IL1RAPL1: variants seen among roughly 807,000 people sequenced by gnomAD.
The protein encoded by IL1RAPL1 is interleukin 1 receptor accessory protein like 1.
Under a neutral mutation model 48.4 loss-of-function variants are expected in IL1RAPL1, and 3 were observed. That is an observed-to-expected ratio of 0.06 (90% confidence interval 0.03 to 0.16). The LOEUF is 0.16. IL1RAPL1 is among the 10% of genes least tolerant of loss of function. The pLI, the probability that IL1RAPL1 is intolerant of heterozygous loss-of-function variation, is 1.00. For synonymous variants in IL1RAPL1, 185 were observed against 187.7 expected, an observed-to-expected ratio of 0.99 and a Z score of 0.12; for missense variants, 349 against 530.6, an observed-to-expected ratio of 0.66 and a Z score of 3.36.
chrX:28,708,952 C>T (rs777096631), intron 1 of IL1RAPL1, among the ~76,000 whole-genome samples: 3 of 111,047 alleles, frequency 2.7e-5, no homozygotes, highest in Non-Finnish European at 5.7e-5. Flanking sequence ...CACTAAATAC[C>T]CTAACTTAAT....
At chrX:29,761,111 A>T (rs1254783335) in intron 6 of IL1RAPL1, among the ~76,000 whole-genome samples, 3 of 112,196 alleles carry the variant, frequency 2.7e-5, no homozygotes, top group Non-Finnish European at 5.6e-5. Context: ...AGAAGTAAAA[A>T]CTTTGAATCT....
At chrX:29,925,420 T>TTG in intron 8 of IL1RAPL1, among the ~76,000 whole-genome samples, 2 of 19,528 alleles carry the variant, frequency 1.0e-4, no homozygotes, top group African/African-American at 3.1e-4. Flanking sequence ...CTGTTTTTTT[T>TTG]TTTTTTTTTT....
At chrX:28,588,545 C>T (rs1933874523) in intron 1 of IL1RAPL1, among the ~76,000 whole-genome samples, 1 of 112,080 alleles carries the variant, frequency 8.9e-6, no homozygotes, top group Non-Finnish European at 1.9e-5. Flanking sequence ...TTCACAGCCG[C>T]AATGGGACCA....
At chrX:28,983,328 C>T (rs1181955832) in intron 2 of IL1RAPL1, among the ~76,000 whole-genome samples, 1 of 111,990 alleles carries the variant, frequency 8.9e-6, no homozygotes, top group Non-Finnish European at 1.9e-5. Context: ...ATTTTTATCT[C>T]TTCCCCTTTC....
At chrX:28,772,452 T>C (rs1395978108) in intron 1 of IL1RAPL1, among the ~76,000 whole-genome samples, 2 of 111,720 alleles carry the variant, frequency 1.8e-5, no homozygotes, top group Admixed American at 9.5e-5. Flanking sequence ...GTTAAACTAG[T>C]GTCAAGCCCA....
intron 5 of IL1RAPL1, among the ~76,000 whole-genome samples, chrX:29,467,352 C>G (rs1484145092): frequency 8.9e-6 from 1 of 112,760 alleles, no homozygotes; most frequent in Non-Finnish European, 1.9e-5. Flanking sequence ...TTCGCTCATT[C>G]TCTCTTTTGA....
chrX:28,676,431 A>G (rs1934997975), intron 1 of IL1RAPL1, among the ~76,000 whole-genome samples: 1 of 111,349 alleles, frequency 9.0e-6, no homozygotes, highest in Admixed American at 9.6e-5. Flanking sequence ...CTGTGTGCAT[A>G]TTAGTAACAC....
chrX:29,835,332 C>A (rs1324977539), intron 6 of IL1RAPL1, among the ~76,000 whole-genome samples: 1 of 111,753 alleles, frequency 8.9e-6, no homozygotes, highest in East Asian at 2.8e-4. Flanking sequence ...CTTGTTGAAC[C>A]ATTCTTACAT....
chrX:29,450,281 G>A (rs1363429942), intron 5 of IL1RAPL1, among the ~76,000 whole-genome samples: 2 of 111,826 alleles, frequency 1.8e-5, no homozygotes, highest in African/African-American at 6.5e-5. Context: ...AGTGTAACAA[G>A]TCTTAACAAG....
intron 2 of IL1RAPL1, among the ~76,000 whole-genome samples, chrX:28,883,257 GATAA>G (rs1328981892): frequency 1.8e-5 from 2 of 111,372 alleles, no homozygotes; most frequent in Non-Finnish European, 3.8e-5. Flanking sequence ...AGTAGTATTG[GATAA>G]ATAGATATTT....
chrX:29,088,779 A>G (rs1928014545), intron 2 of IL1RAPL1, among the ~76,000 whole-genome samples: 1 of 110,440 alleles, frequency 9.1e-6, no homozygotes, highest in South Asian at 3.9e-4. Context: ...ACTAACACAT[A>G]GTGCTTTGCA....
chrX:29,867,919 G>A (rs1931727348), intron 6 of IL1RAPL1, among the ~76,000 whole-genome samples: 1 of 112,135 alleles, frequency 8.9e-6, no homozygotes, highest in South Asian at 3.8e-4. Flanking sequence ...GTTGCTGTTT[G>A]AGAAACTGAA....
At chrX:29,789,383 A>G (rs1239517391) in intron 6 of IL1RAPL1, among the ~76,000 whole-genome samples, 1 of 111,669 alleles carries the variant, frequency 9.0e-6, no homozygotes, top group Non-Finnish European at 1.9e-5. Context: ...CCCTTAAGCT[A>G]TGGGCAAAAT....
At chrX:29,026,674 T>C (rs924433273) in intron 2 of IL1RAPL1, among the ~76,000 whole-genome samples, 37 of 112,245 alleles carry the variant, frequency 3.3e-4, no homozygotes, top group African/African-American at 1.2e-3. Flanking sequence ...ATATGAATAT[T>C]TTATTTATCA....
At chrX:29,269,119 C>T (rs1373317078) in intron 2 of IL1RAPL1, among the ~76,000 whole-genome samples, 1 of 112,244 alleles carries the variant, frequency 8.9e-6, no homozygotes, top group Non-Finnish European at 1.9e-5. Context: ...TACTTTCACT[C>T]ACTGAGAATT....
chrX:29,744,755 G>C (rs5928247), intron 6 of IL1RAPL1, among the ~76,000 whole-genome samples: 56,145 of 110,643 alleles, frequency 0.51, 11,242 homozygotes, highest in African/African-American at 0.76. Flanking sequence ...TTAAAAATGA[G>C]TCGTTTTTTA....
chrX:29,288,202 A>G (rs76569033), intron 3 of IL1RAPL1, among the ~76,000 whole-genome samples: 2 of 110,309 alleles, frequency 1.8e-5, no homozygotes, highest in Non-Finnish European at 3.8e-5. Context: ...GATTTGTTAC[A>G]TAGGTAAACG....
At chrX:28,831,024 C>G (rs868065726) in intron 2 of IL1RAPL1, among the ~76,000 whole-genome samples, 38 of 59,221 alleles carry the variant, frequency 6.4e-4, no homozygotes, top group East Asian at 2.9e-3. Flanking sequence ...CTCTCTCTCT[C>G]TCTGTGTGTG....
chrX:29,168,132 A>G (rs1224910682), intron 2 of IL1RAPL1, among the ~76,000 whole-genome samples: 1 of 110,546 alleles, frequency 9.0e-6, no homozygotes, highest in African/African-American at 3.3e-5. Context: ...TAGTATGAGG[A>G]TAAAATCAGG....
Sources: allele counts gnomAD v4.1 joint callset (sites outside exome capture counted in the v4.1 genomes callset), GRCh38; gene constraint gnomAD v4.1.1; transcripts MANE v1.5; gene names NCBI Gene and HGNC (gene_info 2026-07-23, HGNC 2026-07-21).